The following NBEA variants were observed in gnomAD, a reference collection of about 807,000 sequenced individuals.
NBEA encodes lysosomal-trafficking regulator 2.
A neutral mutation model predicts 343.4 loss-of-function variants in NBEA; 44 were observed. The observed-to-expected ratio is 0.13, with a 90% CI of 0.10 to 0.16. NBEA has a LOEUF of 0.16. Ranked by LOEUF, NBEA falls within the 10% of genes least tolerant of loss-of-function variation. The pLI is 1.00. For synonymous variants in NBEA, 1,175 were observed against 1,238.7 expected, an observed-to-expected ratio of 0.95 and a Z score of 1.08; for missense variants, 2,555 against 3,631.3, an observed-to-expected ratio of 0.70 and a Z score of 7.62.
At chr13:35,008,687 A>G (rs1438370928) in intron 1 of NBEA, among the ~76,000 whole-genome samples, 2 of 152,034 alleles carry the variant, frequency 1.3e-5, no homozygotes, top group Non-Finnish European at 1.5e-5. Flanking sequence ...TCATCTCCCA[A>G]TTTCCTCATC....
chr13:35,026,936 A>G (rs1471197033), intron 1 of NBEA, among the ~76,000 whole-genome samples: 1 of 151,672 alleles, frequency 6.6e-6, no homozygotes, highest in Non-Finnish European at 1.5e-5. Context: ...GGTAACTACT[A>G]CTCTCTTTTC....
intron 21 of NBEA, among the ~76,000 whole-genome samples, chr13:35,157,481 G>A (rs2069248115): frequency 6.6e-6 from 1 of 152,018 alleles, no homozygotes; most frequent in Non-Finnish European, 1.5e-5. Context: ...TTATAAATCA[G>A]GAGTTTTATA....
chr13:35,416,679 A>G (rs2043930314), intron 38 of NBEA, among the ~76,000 whole-genome samples: 2 of 152,128 alleles, frequency 1.3e-5, no homozygotes, highest in Admixed American at 1.3e-4. Context: ...TTCATCAAGG[A>G]TATTGGTCTA....
At chr13:35,478,605 T>G (rs572039829) in intron 41 of NBEA, among the ~76,000 whole-genome samples, 12 of 152,336 alleles carry the variant, frequency 7.9e-5, no homozygotes, top group African/African-American at 2.9e-4. Flanking sequence ...CTGCGTGAGC[T>G]TATTTGAAAA....
intron 46 of NBEA, among the ~76,000 whole-genome samples, chr13:35,588,868 G>A (rs774577572): frequency 2.6e-5 from 4 of 152,002 alleles, no homozygotes; most frequent in Non-Finnish European, 4.4e-5. Context: ...AAACTCATTC[G>A]TCAAACATTT....
rs138014500 is a variant in NBEA, at chr13:35,671,860, G to T, written c.*869G>T. 7.2e-5 allele frequency: 11 copies of T among 152,666 alleles called. No individual in the cohort carries two copies. The highest frequency in any genetic ancestry group is 2.2e-4 in the African/African-American group (9 of 41,572). The allele number at this position is 152,666 out of a possible 1,614,324, so 9.5% of individuals were successfully genotyped here. On this transcript the variant is annotated 3_prime_UTR_variant, in exon 59 of 59. Coordinates refer to ENST00000379939, the MANE Select transcript of NBEA (RefSeq NM_001385012.1). ...TCTTGTATAAATAGGAGTCATGGGCGTTAGTTCTGTAGTAATAACTTCCCA... is the reference window on the plus strand; with the variant it reads ...TCTTGTATAAATAGGAGTCATGGGCTTTAGTTCTGTAGTAATAACTTCCCA...
At chr13:35,340,916 G>T (rs975569202) in intron 36 of NBEA, among the ~76,000 whole-genome samples, 3 of 151,682 alleles carry the variant, frequency 2.0e-5, no homozygotes, top group Non-Finnish European at 4.4e-5. Flanking sequence ...ATATGGAATT[G>T]CAAGAGACAT....
chr13:35,170,273 T>C (rs2070361772), intron 25 of NBEA, among the ~76,000 whole-genome samples: 1 of 151,846 alleles, frequency 6.6e-6, no homozygotes, highest in South Asian at 2.1e-4. Context: ...TAGGAATAGA[T>C]ACCTATTACA....
intron 47 of NBEA, among the ~76,000 whole-genome samples, chr13:35,597,695 A>G (rs1400038124): frequency 6.6e-6 from 1 of 152,156 alleles, no homozygotes; most frequent in Non-Finnish European, 1.5e-5. Context: ...AGCCAGTACT[A>G]GCACAGAGTC....
rs1194385535 is a variant in NBEA, at chr13:35,164,568, C to A, written c.4233+59C>A. 1.1e-5 allele frequency: 17 copies of A among 1,519,756 alleles called. No individual in the cohort carries two copies. In the South Asian group the frequency reaches 1.9e-4, roughly 17 times the overall value. The allele number at this position is 1,519,756 out of a possible 1,614,324, so 94.1% of individuals were successfully genotyped here. A position where few individuals can be genotyped will look rare whatever the true frequency, so the allele number is the denominator to read the frequency against. ...TTATAAATACATGACTTTAGCATTT[C>A]AGTGGTGGTCTAGGCTATAAACACA... On this transcript the variant is annotated intron_variant, in intron 24 of 58. Transcript: ENST00000379939.
chr13:35,400,218 A>G (rs2042937117), intron 38 of NBEA, among the ~76,000 whole-genome samples: 1 of 150,568 alleles, frequency 6.6e-6, no homozygotes, highest in Admixed American at 6.6e-5. Context: ...AAAAAAAAAA[A>G]AAAAAAGTAT....
At chr13:35,407,444 A>T (rs1467264823) in intron 38 of NBEA, among the ~76,000 whole-genome samples, 2 of 152,066 alleles carry the variant, frequency 1.3e-5, no homozygotes, top group African/African-American at 4.8e-5. Context: ...AGTAAAATAA[A>T]ATAAAGCCCA....
chr13:35,143,582 T>A (rs937357294), intron 18 of NBEA, among the ~76,000 whole-genome samples: 4 of 152,162 alleles, frequency 2.6e-5, no homozygotes, highest in African/African-American at 9.7e-5. Context: ...ATATCCATAA[T>A]ATTATTCCTA....
chr13:34,978,184 A>G (rs184650951), intron 1 of NBEA, among the ~76,000 whole-genome samples: 148 of 152,328 alleles, frequency 9.7e-4, no homozygotes, highest in Non-Finnish European at 1.7e-3. Flanking sequence ...GTAAGTATCA[A>G]TGATTTCAGG....
chr13:35,458,504 A>G (rs1566162981), intron 40 of NBEA, among the ~76,000 whole-genome samples: 1 of 152,246 alleles, frequency 6.6e-6, no homozygotes, highest in Admixed American at 6.5e-5. Flanking sequence ...ATATCAAAAG[A>G]CAAAACAAAA....
chr13:35,578,068 C>T (rs1447374745), intron 45 of NBEA, among the ~76,000 whole-genome samples: 7 of 152,138 alleles, frequency 4.6e-5, no homozygotes, highest in South Asian at 2.1e-4. Context: ...AAAGATAACA[C>T]GATAACTTAG....
At chr13:35,635,673 C>G (rs1043316691) in intron 49 of NBEA, among the ~76,000 whole-genome samples, 43 of 152,164 alleles carry the variant, frequency 2.8e-4, no homozygotes, top group African/African-American at 1.0e-3. Context: ...GTGTTTCTCA[C>G]TGCAAAGGTT....
chr13:35,220,341 G>A (rs1447152578), intron 33 of NBEA, among the ~76,000 whole-genome samples: 1 of 152,042 alleles, frequency 6.6e-6, no homozygotes, highest in Non-Finnish European at 1.5e-5. Context: ...CCTCCACCTA[G>A]TATCATATTT....
At chr13:35,504,989 A>G (rs1173066250) in intron 41 of NBEA, among the ~76,000 whole-genome samples, 2 of 152,100 alleles carry the variant, frequency 1.3e-5, no homozygotes, top group Admixed American at 1.3e-4. Flanking sequence ...TCGGAACCTC[A>G]TTTGTATCTC....
Sources: allele counts gnomAD v4.1 joint callset (sites outside exome capture counted in the v4.1 genomes callset), GRCh38; gene constraint gnomAD v4.1.1; transcripts MANE v1.5; gene names NCBI Gene and HGNC (gene_info 2026-07-23, HGNC 2026-07-21).